NTF3: variants seen among roughly 807,000 people sequenced by gnomAD.
The protein encoded by NTF3 is neurotrophin 3.
NTF3 carries 8 observed loss-of-function variants against 26.3 expected under a neutral mutation model. The observed-to-expected ratio is 0.30, with a 90% CI of 0.18 to 0.55. NTF3 has a LOEUF of 0.55. Ranked by LOEUF, NTF3 falls within the 20% of genes least tolerant of loss-of-function variation. The probability of loss-of-function intolerance (pLI) is 0.93; values close to 1 mark genes in which losing one functional copy is unlikely to be tolerated. For missense variants in NTF3, 276 were observed against 352.9 expected (o/e 0.78, Z 1.75); for synonymous variants, 154 against 145.5 (o/e 1.06, Z -0.42).
chr12:5,465,798 A>G (rs1337955934), intron 1 of NTF3, among the ~76,000 whole-genome samples: 1 of 152,220 alleles, frequency 6.6e-6, no homozygotes, highest in Non-Finnish European at 1.5e-5. Context: ...GAGCTCTTCC[A>G]TCAGGGAAAC....
rs537642109 is a variant in NTF3, at chr12:5,458,366, A to T, written c.18+26024A>T. Among the ~76,000 whole-genome samples, 19 of 152,222 alleles carry T rather than the reference A, an allele frequency of 1.2e-4. 1 individual carries two copies. In the South Asian group the frequency reaches 1.7e-3, roughly 13 times the overall value. On this transcript the variant is annotated intron_variant, in intron 1 of 1. Transcript: ENST00000423158. ...GCTCCCTATCACACACTCCCATTGCATGCTGCAGCATCCTCAGCACCCAGC... is the reference window on the plus strand; with the variant it reads ...GCTCCCTATCACACACTCCCATTGCTTGCTGCAGCATCCTCAGCACCCAGC...
At chr12:5,445,964 C>T (rs961442653) in intron 1 of NTF3, among the ~76,000 whole-genome samples, 1 of 152,196 alleles carries the variant, frequency 6.6e-6, no homozygotes, top group Non-Finnish European at 1.5e-5. Flanking sequence ...GATTCTGAAG[C>T]ACTCACCGTC....
At chr12:5,448,067 TTGA>T (rs1288077795) in intron 1 of NTF3, among the ~76,000 whole-genome samples, 4 of 152,204 alleles carry the variant, frequency 2.6e-5, no homozygotes, top group Admixed American at 2.6e-4. Flanking sequence ...CCAGCTGCTC[TTGA>T]TGAACTCTCT....
chr12:5,462,675 G>T (rs1940539508), intron 1 of NTF3, among the ~76,000 whole-genome samples: 1 of 152,170 alleles, frequency 6.6e-6, no homozygotes, highest in Non-Finnish European at 1.5e-5. Flanking sequence ...AGAACAGCTG[G>T]ACCCTCTAAT....
chr12:5,431,714 T>C (rs1940089947), upstream of NTF3, among the ~76,000 whole-genome samples: 2 of 151,888 alleles, frequency 1.3e-5, no homozygotes, highest in Admixed American at 6.5e-5. Flanking sequence ...AGAAAAAAGA[T>C]CAAAAAGAAA....
chr12:5,446,492 G>A (rs570166771), intron 1 of NTF3, among the ~76,000 whole-genome samples: 118 of 152,284 alleles, frequency 7.7e-4, no homozygotes, highest in Middle Eastern at 3.4e-3. Context: ...CTTCCAGGAG[G>A]CCCAACCTGA....
At chr12:5,470,170 C>T (rs552856610) in intron 1 of NTF3, among the ~76,000 whole-genome samples, 1 of 152,260 alleles carries the variant, frequency 6.6e-6, no homozygotes, top group African/African-American at 2.4e-5. Context: ...GTGATCCACC[C>T]GCCTCGGCCT....
chr12:5,432,067 C>A (rs1284256921), upstream of NTF3: 1 of 455,194 alleles, frequency 2.2e-6, no homozygotes, highest in African/African-American at 2.0e-5. Flanking sequence ...AGCCATCTGG[C>A]CGGGTTGGCT....
chr12:5,443,472 G>C (rs1565384542), intron 1 of NTF3, among the ~76,000 whole-genome samples: 4 of 152,248 alleles, frequency 2.6e-5, no homozygotes, highest in East Asian at 3.9e-4. Context: ...AAATACAAAG[G>C]GGGGAAATGT....
chr12:5,468,289 A>G (rs1940617558), intron 1 of NTF3, among the ~76,000 whole-genome samples: 1 of 152,164 alleles, frequency 6.6e-6, no homozygotes, highest in African/African-American at 2.4e-5. Context: ...CCGTGCCTGT[A>G]ATTACTTTTT....
intron 1 of NTF3, among the ~76,000 whole-genome samples, chr12:5,493,965 C>T (rs1940969658): frequency 6.6e-6 from 1 of 151,980 alleles, no homozygotes; most frequent in African/African-American, 2.4e-5. Flanking sequence ...AAATACAACC[C>T]GTGCAAAAAG....
chr12:5,445,136 T>C (rs546402516), intron 1 of NTF3, among the ~76,000 whole-genome samples: 2 of 152,326 alleles, frequency 1.3e-5, no homozygotes, highest in East Asian at 1.9e-4. Context: ...AACTGTGGCA[T>C]TGACTTGCTC....
At chr12:5,467,608 TA>T (rs1483251801) in intron 1 of NTF3, among the ~76,000 whole-genome samples, 1 of 152,230 alleles carries the variant, frequency 6.6e-6, no homozygotes, top group Non-Finnish European at 1.5e-5. Flanking sequence ...AACTGTTATT[TA>T]ATTGGAGGCA....
chr12:5,460,443 C>T (rs1940511435), intron 1 of NTF3, among the ~76,000 whole-genome samples: 1 of 152,184 alleles, frequency 6.6e-6, no homozygotes, highest in African/African-American at 2.4e-5. Flanking sequence ...TGGAATAATA[C>T]AGTGCGTAGT....
Position 5,432,153 on chromosome 12 carries a change from G to C in NTF3, c.-172G>C, listed in dbSNP as rs1940099492. On this transcript the variant is annotated 5_prime_UTR_variant, in exon 1 of 2. Coordinates refer to ENST00000423158, the MANE Select transcript of NTF3 (RefSeq NM_001102654.2). ...TCCCTTCCGAACAGCTCCGCGCACCGCCCCGCGACGCAGCCCGGCGCAACT... is the reference window on the plus strand; with the variant it reads ...TCCCTTCCGAACAGCTCCGCGCACCCCCCCGCGACGCAGCCCGGCGCAACT... 1.3e-6 allele frequency: 1 copy of C among 744,880 alleles called. No homozygotes were observed. Among genetic ancestry groups the C allele is most frequent in the Non-Finnish European group, 2.3e-6 (1 of 428,018 alleles). 46.1% of individuals were successfully genotyped at this position (744,880 alleles called of 1,614,324 possible). A position where few individuals can be genotyped will look rare whatever the true frequency, so the allele number is the denominator to read the frequency against.
At chr12:5,455,169 C>A (rs757038740) in intron 1 of NTF3, among the ~76,000 whole-genome samples, 4 of 152,168 alleles carry the variant, frequency 2.6e-5, no homozygotes, top group Non-Finnish European at 5.9e-5. Flanking sequence ...CAGGGTCATG[C>A]GGCATGCATC....
chr12:5,465,837 T>G (rs766432953), intron 1 of NTF3, among the ~76,000 whole-genome samples: 3 of 152,246 alleles, frequency 2.0e-5, no homozygotes, highest in Non-Finnish European at 2.9e-5. Flanking sequence ...ACCAAGGACT[T>G]GGCATCTATC....
chr12:5,466,788 G>A (rs993844667), intron 1 of NTF3, among the ~76,000 whole-genome samples: 2 of 152,228 alleles, frequency 1.3e-5, no homozygotes, highest in African/African-American at 4.8e-5. Flanking sequence ...TGGGTTTCCC[G>A]GGGAGGGGGG....
intron 1 of NTF3, among the ~76,000 whole-genome samples, chr12:5,481,571 A>G (rs1033779328): frequency 2.5e-4 from 7 of 27,818 alleles, no homozygotes; most frequent in African/African-American, 9.2e-4. Context: ...ACACATACAT[A>G]CATGCACCAC....
Sources: allele counts gnomAD v4.1 joint callset (sites outside exome capture counted in the v4.1 genomes callset), GRCh38; gene constraint gnomAD v4.1.1; transcripts MANE v1.5; gene names NCBI Gene and HGNC (gene_info 2026-07-23, HGNC 2026-07-21).